PLD5: variants seen among roughly 807,000 people sequenced by gnomAD.
The protein encoded by PLD5 is inactive phospholipase D5.
Under a neutral mutation model 61.1 loss-of-function variants are expected in PLD5, and 36 were observed. That is an observed-to-expected ratio of 0.59 (90% CI 0.45 to 0.78). The LOEUF (loss-of-function observed/expected upper bound fraction) is 0.78, where lower values mean the gene tolerates loss of function less well. PLD5 is among the 30% of genes least tolerant of loss of function. The pLI, the probability that PLD5 is intolerant of heterozygous loss-of-function variation, is 0.00. For missense variants in PLD5, 515 were observed against 644.4 expected (o/e 0.80, Z 2.17); for synonymous variants, 243 against 242.8 (o/e 1.00, Z -0.01).
intron 8 of PLD5, 64 bp from the exon 9 acceptor site, chr1:242,100,846 A>C: frequency 9.2e-7 from 1 of 1,087,276 alleles, no homozygotes; most frequent in Non-Finnish European, 1.4e-6. Context: ...GTCCAAGAGC[A>C]CAAAAGAATG....
chr1:242,469,914 G>C (rs1457180515), intron 1 of PLD5, among the ~76,000 whole-genome samples: 1 of 152,242 alleles, frequency 6.6e-6, no homozygotes, highest in East Asian at 1.9e-4. Context: ...CACCAGCATA[G>C]TATACAGATA....
At chr1:242,423,808 T>A (rs1010695699) in intron 1 of PLD5, among the ~76,000 whole-genome samples, 2 of 152,082 alleles carry the variant, frequency 1.3e-5, no homozygotes, top group Admixed American at 6.5e-5. Flanking sequence ...CCACTGCCTA[T>A]CAGAATGCCC....
chr1:242,083,541 T>C lies in PLD5; in HGVS notation c.*6313A>G, dbSNP rs12143106. On this transcript the variant is annotated 3_prime_UTR_variant, in exon 10 of 10. Coordinates refer to ENST00000536534, the MANE Select transcript of PLD5 (RefSeq NM_001372062.1). ...GATAGCTTTATCACTGGAGACAAAT[T>C]GGCCTTTGTTTCTCAATGACATTTT... is the stretch of plus-strand genomic sequence containing the variant. 0.46 allele frequency: 69,989 copies of C among 152,032 alleles called. 16,911 individuals carry two copies. Among genetic ancestry groups the C allele is most frequent in the African/African-American group, 0.61 (25,286 of 41,458 alleles). The allele number at this position is 152,032 out of a possible 1,614,324, so 9.4% of individuals were successfully genotyped here.
chr1:242,290,818 C>A (rs1171267493), intron 2 of PLD5, among the ~76,000 whole-genome samples: 3 of 150,976 alleles, frequency 2.0e-5, no homozygotes, highest in Non-Finnish European at 4.4e-5. Context: ...GGCTGTATAA[C>A]CCCCTCCAGT....
intron 1 of PLD5, among the ~76,000 whole-genome samples, chr1:242,437,471 C>T (rs927251252): frequency 6.6e-6 from 1 of 152,158 alleles, no homozygotes; most frequent in Non-Finnish European, 1.5e-5. Context: ...CCGAGATGGG[C>T]GGATCACCTG....
chr1:242,361,733 T>C lies in PLD5; in HGVS notation c.190-13491A>G, dbSNP rs550475746. Among the ~76,000 whole-genome samples, 530 of 152,258 alleles carry C rather than the reference T, an allele frequency of 3.5e-3. 5 individuals carry two copies. The highest frequency in any genetic ancestry group is 5.3e-3 in the Non-Finnish European group (363 of 68,024). ...GAATGTCATATCCTTAACAAACATG[T>C]TTTAACTCAAATACAGAAATAGAGA... On this transcript the variant is annotated intron_variant, in intron 1 of 9. Transcript: ENST00000536534.
In PLD5 at chr1:242,252,213, G is replaced by T. The variant is rs114208405; in HGVS notation, c.607+13124C>A. Among the ~76,000 whole-genome samples, 1,255 of 152,326 alleles carry T rather than the reference G, an allele frequency of 8.2e-3. 19 individuals are homozygous for T. Among genetic ancestry groups the T allele is most frequent in the African/African-American group, 0.029 (1,200 of 41,562 alleles). On this transcript the variant is annotated intron_variant, in intron 4 of 9. Coordinates refer to ENST00000536534, the MANE Select transcript of PLD5 (RefSeq NM_001372062.1). ...ACAAAAATAATAGGCCATGGCCAAG[G>T]TTCATGCTGAACAGCCTGCTAGGAA...
chr1:242,483,082 C>T (rs187211012), intron 1 of PLD5, among the ~76,000 whole-genome samples: 2,740 of 152,242 alleles, frequency 0.018, 80 homozygotes, highest in African/African-American at 0.062. Flanking sequence ...AAGGAACAGC[C>T]GGTACCAGCC....
intron 2 of PLD5, among the ~76,000 whole-genome samples, chr1:242,344,420 C>G (rs1186643536): frequency 1.3e-5 from 2 of 152,146 alleles, no homozygotes; most frequent in Non-Finnish European, 2.9e-5. Context: ...AGCCTCTGCT[C>G]TCATGTGATT....
chr1:242,431,721 G>T (rs1308731557), intron 1 of PLD5, among the ~76,000 whole-genome samples: 1 of 152,156 alleles, frequency 6.6e-6, no homozygotes, highest in Non-Finnish European at 1.5e-5. Flanking sequence ...CAAGCATCTG[G>T]TTATTTTGGA....
In PLD5 at chr1:242,088,660, C is replaced by A. The variant is rs1224875118; in HGVS notation, c.*1194G>T. On this transcript the variant is annotated 3_prime_UTR_variant, in exon 10 of 10. Transcript: ENST00000536534. ...TGCTGTGGGCTCTGAAGAGGCCATG[C>A]CTCTCCCTAGTGTAGCAATGGTCTC... is the stretch of plus-strand genomic sequence containing the variant. 1.3e-5 allele frequency: 2 copies of A among 152,094 alleles called. No individual in the cohort carries two copies. The highest frequency in any genetic ancestry group is 3.2e-3 in the Middle Eastern group (1 of 316). The allele number at this position is 152,094 out of a possible 1,614,324, so 9.4% of individuals were successfully genotyped here. A position where few individuals can be genotyped will look rare whatever the true frequency, so the allele number is the denominator to read the frequency against.
At chr1:242,524,018 T>C (rs1416091847) in intron 1 of PLD5, 70 bp downstream of exon 1, 2 of 1,453,706 alleles carry the variant, frequency 1.4e-6, no homozygotes, top group African/African-American at 2.9e-5. Context: ...CGCGCGCTCA[T>C]GCCACCACCA....
At chr1:242,326,403 C>G (rs1036639) in intron 2 of PLD5, among the ~76,000 whole-genome samples, 147,673 of 152,258 alleles carry the variant, frequency 0.97, 71,712 homozygotes, top group Non-Finnish European at 0.99. Flanking sequence ...GGTCATGCTA[C>G]AGTCATAAGA....
chr1:242,148,309 G>A (rs867321450), intron 5 of PLD5, among the ~76,000 whole-genome samples: 2 of 107,794 alleles, frequency 1.9e-5, no homozygotes, highest in African/African-American at 3.1e-5. Context: ...GGCCATATAT[G>A]TGTTGGTCTA....
intron 4 of PLD5, among the ~76,000 whole-genome samples, chr1:242,247,722 G>A (rs991468844): frequency 6.6e-6 from 1 of 152,140 alleles, no homozygotes; most frequent in African/African-American, 2.4e-5. Context: ...GCAGGCTGGG[G>A]GGCTTGGGAT....
intron 2 of PLD5, among the ~76,000 whole-genome samples, chr1:242,333,212 A>C (rs1288933353): frequency 2.0e-5 from 3 of 152,128 alleles, no homozygotes; most frequent in Non-Finnish European, 2.9e-5. Context: ...TGCACATAAG[A>C]AAGCAGAGGA....
intron 2 of PLD5, among the ~76,000 whole-genome samples, chr1:242,314,499 C>T (rs1676889368): frequency 6.6e-6 from 1 of 152,198 alleles, no homozygotes; most frequent in Non-Finnish European, 1.5e-5. Context: ...CCCAAGTGTC[C>T]TCTAGTTCCC....
intron 5 of PLD5, among the ~76,000 whole-genome samples, chr1:242,171,866 C>A (rs780261735): frequency 6.6e-6 from 1 of 152,098 alleles, no homozygotes; most frequent in Non-Finnish European, 1.5e-5. Flanking sequence ...TATATATGCA[C>A]CCAATACAGG....
chr1:242,353,889 T>G (rs895543878), intron 1 of PLD5, among the ~76,000 whole-genome samples: 17 of 152,280 alleles, frequency 1.1e-4, no homozygotes, highest in African/African-American at 3.8e-4. Flanking sequence ...AATGGGATTA[T>G]TCTCTCGATT....
Sources: allele counts gnomAD v4.1 joint callset (sites outside exome capture counted in the v4.1 genomes callset), GRCh38; gene constraint gnomAD v4.1.1; transcripts MANE v1.5; gene names NCBI Gene and HGNC (gene_info 2026-07-23, HGNC 2026-07-21).